Variants in FOXP1 observed in about 807,000 individuals in gnomAD.
FOXP1 encodes the protein forkhead box protein P1.
A neutral mutation model predicts 98.2 loss-of-function variants in FOXP1; 15 were observed. That is an observed-to-expected ratio of 0.15 (90% CI 0.10 to 0.24). FOXP1 has a LOEUF of 0.24. Among genes scored for constraint, FOXP1 ranks in the 10% least tolerant of loss-of-function variants. The probability of loss-of-function intolerance (pLI) is 1.00; values close to 1 mark genes in which losing one functional copy is unlikely to be tolerated. For missense variants in FOXP1, 633 were observed against 848.5 expected (o/e 0.75, Z 3.15); for synonymous variants, 371 against 314.5 (o/e 1.18, Z -1.90).
intron 6 of FOXP1, among the ~76,000 whole-genome samples, chr3:71,182,778 C>T (rs2062404967): frequency 6.6e-6 from 1 of 151,872 alleles, no homozygotes; most frequent in African/African-American, 2.4e-5. Flanking sequence ...CTCCTGAGCT[C>T]AGGTGATCTT....
At chr3:71,250,348 A>G (rs1207731790) in intron 5 of FOXP1, among the ~76,000 whole-genome samples, 1 of 152,178 alleles carries the variant, frequency 6.6e-6, no homozygotes, top group Admixed American at 6.5e-5. Context: ...ACAACATCCA[A>G]TAGGGTAGCC....
chr3:70,969,080 T>C (rs554384822), intron 19 of FOXP1: 4 of 152,004 alleles, frequency 2.6e-5, no homozygotes, highest in Non-Finnish European at 4.4e-5. Context: ...CTAATTGAAA[T>C]TAGTCACATA....
intron 5 of FOXP1, among the ~76,000 whole-genome samples, chr3:71,273,935 G>C (rs1263321843): frequency 6.6e-6 from 1 of 152,172 alleles, no homozygotes; most frequent in Non-Finnish European, 1.5e-5. Flanking sequence ...GTCTGCTCAT[G>C]CTCTTCTCAG....
At chr3:71,060,537 G>A (rs1387504573) in intron 7 of FOXP1, among the ~76,000 whole-genome samples, 1 of 152,072 alleles carries the variant, frequency 6.6e-6, no homozygotes, top group Non-Finnish European at 1.5e-5. Context: ...GTGACAATTA[G>A]AGTAATTGTA....
At chr3:71,005,911 G>A (rs1408260231) in intron 12 of FOXP1, among the ~76,000 whole-genome samples, 1 of 152,040 alleles carries the variant, frequency 6.6e-6, no homozygotes, top group African/African-American at 2.4e-5. Flanking sequence ...TACATCCTGG[G>A]CTGGCTGCGG....
chr3:71,200,652 A>G (rs2063614556), intron 5 of FOXP1, among the ~76,000 whole-genome samples: 1 of 152,254 alleles, frequency 6.6e-6, no homozygotes, highest in African/African-American at 2.4e-5. Flanking sequence ...CTTTAATGTG[A>G]AATACCAATC....
At chr3:71,285,450 C>A (rs924717064) in intron 5 of FOXP1, among the ~76,000 whole-genome samples, 1 of 151,902 alleles carries the variant, frequency 6.6e-6, no homozygotes, top group Non-Finnish European at 1.5e-5. Flanking sequence ...GGAGGAGAGA[C>A]ACAGAGGGAG....
intron 12 of FOXP1, among the ~76,000 whole-genome samples, chr3:71,008,953 G>A (rs2043153857): frequency 6.6e-6 from 1 of 151,864 alleles, no homozygotes; most frequent in East Asian, 1.9e-4. Context: ...GCACAGTATT[G>A]ACAGATGGGA....
At chr3:71,118,307 G>C (rs2058521729) in intron 6 of FOXP1, among the ~76,000 whole-genome samples, 1 of 152,150 alleles carries the variant, frequency 6.6e-6, no homozygotes, top group South Asian at 2.1e-4. Context: ...TACAAATTAT[G>C]TTTTACATAA....
intron 3 of FOXP1, among the ~76,000 whole-genome samples, chr3:71,393,528 A>C (rs976219467): frequency 5.9e-5 from 9 of 152,222 alleles, no homozygotes; most frequent in African/African-American, 2.2e-4. Flanking sequence ...TAATGTCTAT[A>C]AAACCTGCCT....
intron 7 of FOXP1, among the ~76,000 whole-genome samples, chr3:71,109,751 T>C (rs948819163): frequency 2.0e-5 from 3 of 152,172 alleles, no homozygotes; most frequent in African/African-American, 7.2e-5. Flanking sequence ...TAATTTCTCC[T>C]CTGTTTGTGG....
At chr3:71,219,861 C>T (rs2065221025) in intron 5 of FOXP1, among the ~76,000 whole-genome samples, 2 of 30,294 alleles carry the variant, frequency 6.6e-5, no homozygotes, top group Admixed American at 7.8e-4. Flanking sequence ...GCAGTGCTCT[C>T]CCCACTCTCT....
In FOXP1 at chr3:71,385,311, A is replaced by G. The variant is rs746872229; in HGVS notation, c.-167-26067T>C. Among the ~76,000 whole-genome samples, 86 of 152,304 alleles carry G rather than the reference A, an allele frequency of 5.6e-4. 1 individual carries two copies. Among genetic ancestry groups the G allele is most frequent in the Non-Finnish European group, 2.5e-4 (17 of 68,020 alleles). ...ATTCTTTAAAACTGTATTATAAATC[A>G]CCTAACATTTACTAGAGCATTTAAA... On this transcript the variant is annotated intron_variant, in intron 3 of 20. Coordinates refer to ENST00000649528, the MANE Select transcript of FOXP1 (RefSeq NM_001349338.3).
rs1357473719 is a variant in FOXP1, at chr3:71,070,636, C to T, written c.283-16863G>A. Among the ~76,000 whole-genome samples the T allele has an allele frequency of 3.3e-5, 5 of 152,292 alleles. No individual in the cohort carries two copies. The East Asian group carries it at 9.7e-4, about 29-fold the overall frequency. Reference sequence around the variant, plus strand: ...AAACAAGGGCACTCTCGGGCCCTCTCCCCTGCTACGGGAACCCTCCGCGCA... The same window carrying T: ...AAACAAGGGCACTCTCGGGCCCTCTTCCCTGCTACGGGAACCCTCCGCGCA... On this transcript the variant is annotated intron_variant, in intron 7 of 20. Transcript: ENST00000649528.
intron 20 of FOXP1, among the ~76,000 whole-genome samples, chr3:70,961,152 ATTC>A (rs1453107872): frequency 6.6e-6 from 1 of 151,790 alleles, no homozygotes; most frequent in African/African-American, 2.4e-5. Context: ...TAATTTCTTT[ATTC>A]TTAAAAACTT....
intron 5 of FOXP1, among the ~76,000 whole-genome samples, chr3:71,204,124 A>C (rs1179247536): frequency 6.6e-6 from 1 of 152,240 alleles, no homozygotes; most frequent in East Asian, 1.9e-4. Flanking sequence ...GACTAGCTTT[A>C]GCTCTAAGAG....
intron 7 of FOXP1, among the ~76,000 whole-genome samples, chr3:71,089,324 T>G (rs971592905): frequency 1.3e-5 from 2 of 152,086 alleles, no homozygotes; most frequent in African/African-American, 4.8e-5. Flanking sequence ...CCTGAGAACT[T>G]GAGGCCTCCT....
intron 7 of FOXP1, among the ~76,000 whole-genome samples, chr3:71,088,360 A>G (rs1160103077): frequency 6.6e-6 from 1 of 150,596 alleles, no homozygotes; most frequent in African/African-American, 2.4e-5. Flanking sequence ...TACAGATTTC[A>G]TCGTCACACA....
chr3:71,287,121 C>T (rs1365382954), intron 5 of FOXP1, among the ~76,000 whole-genome samples: 1 of 151,960 alleles, frequency 6.6e-6, no homozygotes, highest in Non-Finnish European at 1.5e-5. Context: ...AAGCAGGAAA[C>T]AAAAAGAGTA....
Sources: gnomAD v4.1 joint callset for allele counts (sites outside exome capture counted in the v4.1 genomes callset) on GRCh38, gnomAD v4.1.1 for gene constraint, MANE v1.5 for transcripts, NCBI Gene and HGNC (gene_info 2026-07-23, HGNC 2026-07-21) for gene names.